The following SCAMP1 variants were observed in gnomAD, a reference collection of about 807,000 sequenced individuals.
The protein encoded by SCAMP1 is secretory carrier-associated membrane protein 1.
Under a neutral mutation model 41.8 loss-of-function variants are expected in SCAMP1, and 15 were observed. The ratio of observed to expected loss-of-function variants is 0.36; its 90% CI spans 0.24 to 0.55. The LOEUF (loss-of-function observed/expected upper bound fraction) is 0.55, where lower values mean the gene tolerates loss of function less well. Among genes scored for constraint, SCAMP1 ranks in the 20% least tolerant of loss-of-function variants. The pLI is 0.86. For synonymous variants in SCAMP1, 135 were observed against 136.8 expected, an observed-to-expected ratio of 0.99 and a Z score of 0.09; for missense variants, 341 against 412.6, an observed-to-expected ratio of 0.83 and a Z score of 1.50.
chr5:78,468,015 G>A (rs1753788544), intron 8 of SCAMP1, among the ~76,000 whole-genome samples: 1 of 152,034 alleles, frequency 6.6e-6, no homozygotes, highest in African/African-American at 2.4e-5. Flanking sequence ...AGAATTGTTG[G>A]GTTTTATTAA....
chr5:78,459,028 G>A (rs916673268), intron 7 of SCAMP1, among the ~76,000 whole-genome samples: 2 of 152,156 alleles, frequency 1.3e-5, no homozygotes, highest in African/African-American at 4.8e-5. Context: ...GTGTGACCTC[G>A]GGCAGATTAC....
intron 6 of SCAMP1, among the ~76,000 whole-genome samples, chr5:78,447,822 C>CT (rs1753090067): frequency 1.6e-5 from 2 of 124,762 alleles, no homozygotes; most frequent in Admixed American, 1.6e-4. Flanking sequence ...CCTCCTCCCC[C>CT]TCTCCCTCCC....
At chr5:78,457,497 G>C (rs1318567119) in intron 7 of SCAMP1, among the ~76,000 whole-genome samples, 2 of 152,082 alleles carry the variant, frequency 1.3e-5, no homozygotes, top group Non-Finnish European at 2.9e-5. Context: ...TAGGCTGCTC[G>C]GGGGTCAGGG....
chr5:78,363,496 A>G (rs1370466112), intron 1 of SCAMP1, among the ~76,000 whole-genome samples: 2 of 152,258 alleles, frequency 1.3e-5, no homozygotes, highest in African/African-American at 4.8e-5. Context: ...GGCGTGAACC[A>G]CTGGGCCCGA....
In SCAMP1 at chr5:78,388,877, G is replaced by A; in HGVS notation, c.98G>A (p.Gly33Glu). 6.4e-7 allele frequency: 1 copy of A among 1,563,424 alleles called. No homozygotes were observed. Among genetic ancestry groups the A allele is most frequent in the Non-Finnish European group, 8.8e-7 (1 of 1,138,938 alleles). ...VTQVTRNVPP[G>E]LDEYNPFSDS... ...CAAGTGACAAGAAATGTTCCACCAG[G>A]ACTTGATGAATATAATCCATTCTCG... Residue 33 changes from glycine (G) to glutamate (E), a missense_variant, in exon 2 of 9, where the codon GGA becomes GAA. Gly to Glu is a moderately conservative substitution (Grantham distance 98). Transcript: ENST00000621999.
intron 2 of SCAMP1, among the ~76,000 whole-genome samples, chr5:78,392,189 T>G (rs1052440892): frequency 1.9e-4 from 29 of 149,356 alleles, no homozygotes; most frequent in African/African-American, 7.2e-4. Flanking sequence ...ATTACTCTTA[T>G]CAGTTGTAGT....
At chr5:78,368,405 C>T (rs979389502) in intron 1 of SCAMP1, among the ~76,000 whole-genome samples, 1 of 152,150 alleles carries the variant, frequency 6.6e-6, no homozygotes, top group South Asian at 2.1e-4. Flanking sequence ...TGTTCTTGTG[C>T]TGATATTACC....
intron 1 of SCAMP1, among the ~76,000 whole-genome samples, chr5:78,375,687 G>T (rs1751048430): frequency 6.6e-6 from 1 of 152,178 alleles, no homozygotes; most frequent in South Asian, 2.1e-4. Flanking sequence ...GGACTGGAAA[G>T]ATTCTAATCA....
At chr5:78,365,300 C>T (rs928162068) in intron 1 of SCAMP1, among the ~76,000 whole-genome samples, 42 of 151,600 alleles carry the variant, frequency 2.8e-4, no homozygotes, top group African/African-American at 1.0e-3. Flanking sequence ...TGGTGAAACC[C>T]CGTCTCTACC....
intron 6 of SCAMP1, among the ~76,000 whole-genome samples, chr5:78,439,920 A>G (rs758264785): frequency 7.3e-5 from 11 of 150,972 alleles, no homozygotes; most frequent in Non-Finnish European, 1.5e-4. Context: ...ATTTCTTTTT[A>G]CTCTTTTTTC....
At chr5:78,418,545 C>T (rs1242915387) in intron 4 of SCAMP1, among the ~76,000 whole-genome samples, 4 of 152,068 alleles carry the variant, frequency 2.6e-5, no homozygotes, top group African/African-American at 9.7e-5. Flanking sequence ...TGATATGACA[C>T]TGGAAAATTA....
At chr5:78,381,046 G>A (rs993857136) in intron 1 of SCAMP1, among the ~76,000 whole-genome samples, 2 of 151,240 alleles carry the variant, frequency 1.3e-5, no homozygotes, top group Non-Finnish European at 2.9e-5. Flanking sequence ...AGCAGCCTGG[G>A]CAACAGCAAG....
rs149039717 is a variant in SCAMP1, at chr5:78,397,974, T to C, written c.135+9060T>C. ...CGAGTATTGGCAAGGATGTGGAGAA[T>C]TGGAACCTTCACACACTGCTGATGG... On this transcript the variant is annotated intron_variant, in intron 2 of 8. Coordinates refer to ENST00000621999, the MANE Select transcript of SCAMP1 (RefSeq NM_004866.6). Among the ~76,000 whole-genome samples the C allele has an allele frequency of 4.1e-4, 63 of 152,312 alleles. No individual in the cohort carries two copies. The East Asian group carries it at 7.9e-3, about 19-fold the overall frequency.
intron 8 of SCAMP1, among the ~76,000 whole-genome samples, chr5:78,471,435 T>C (rs557140262): frequency 6.6e-6 from 1 of 152,282 alleles, no homozygotes; most frequent in South Asian, 2.1e-4. Flanking sequence ...TCCATACTTT[T>C]TTAAAAACTC....
chr5:78,449,007 A>G (rs1283346118), intron 6 of SCAMP1, among the ~76,000 whole-genome samples: 2 of 151,922 alleles, frequency 1.3e-5, no homozygotes, highest in South Asian at 2.1e-4. Context: ...TCTCAAAAAA[A>G]AAAAAGAAAA....
At position 78,421,791 on chromosome 5, in the gene SCAMP1, G is replaced by T; in HGVS notation, c.473-10G>T. ...TCTTTCTTTTTCTATTTTGTTTTCT[G>T]ATTCCACAGTCCATGCAGTAACACT... is the stretch of plus-strand genomic sequence containing the variant. On this transcript the variant is annotated splice_polypyrimidine_tract_variant and intron_variant, in intron 5 of 8. Coordinates refer to ENST00000621999, the MANE Select transcript of SCAMP1 (RefSeq NM_004866.6). The T allele has an allele frequency of 6.3e-7, 1 of 1,588,490 alleles. No homozygotes were observed. Among genetic ancestry groups the T allele is most frequent in the Non-Finnish European group, 8.5e-7 (1 of 1,169,796 alleles).
intron 1 of SCAMP1, among the ~76,000 whole-genome samples, chr5:78,388,092 G>A (rs535715903): frequency 9.2e-5 from 14 of 152,312 alleles, no homozygotes; most frequent in Non-Finnish European, 1.6e-4. Flanking sequence ...GGATTCTCTC[G>A]GATTTCCTGG....
In SCAMP1 at chr5:78,466,127, G is replaced by T. The variant is rs1561289428; in HGVS notation, c.852+6765G>T. Among the ~76,000 whole-genome samples the T allele has an allele frequency of 2.6e-5, 4 of 152,238 alleles. No individual in the cohort carries two copies. In the South Asian group the frequency reaches 8.3e-4, roughly 32 times the overall value. On this transcript the variant is annotated intron_variant, in intron 8 of 8. Coordinates refer to ENST00000621999, the MANE Select transcript of SCAMP1 (RefSeq NM_004866.6). ...TTATTGAGGGTGTTTTATAGAAGTA[G>T]AAATGTAATACATTTTGAGTATAGT...
rs779017733 is a variant in SCAMP1 at position 78,416,681 on chromosome 5, A to G, written c.343+32A>G. On this transcript the variant is annotated intron_variant, in intron 4 of 8. Transcript: ENST00000621999. ...TCCAAAGAAATTTGAAATAAAAATA[A>G]CTTTTAAATACTTTACATTATGTCT... 3.4e-6 allele frequency: 5 copies of G among 1,449,916 alleles called. No homozygotes were observed. The South Asian group carries it at 3.7e-5, about 11-fold the overall frequency. 89.8% of individuals were successfully genotyped at this position (1,449,916 alleles called of 1,614,324 possible).
Sources: gnomAD v4.1 joint callset for allele counts (sites outside exome capture counted in the v4.1 genomes callset) on GRCh38, gnomAD v4.1.1 for gene constraint, MANE v1.5 for transcripts, NCBI Gene and HGNC (gene_info 2026-07-23, HGNC 2026-07-21) for gene names.